FGF12: variants seen among roughly 807,000 people sequenced by gnomAD.
FGF12 encodes fibroblast growth factor 12B.
Under a neutral mutation model 23.6 loss-of-function variants are expected in FGF12, and 14 were observed. That is an observed-to-expected ratio of 0.59 (90% CI 0.39 to 0.93). The LOEUF (loss-of-function observed/expected upper bound fraction) is 0.93. FGF12 is among the 40% of genes least tolerant of loss of function. The pLI is 0.00. For missense variants in FGF12, 175 were observed against 217.8 expected (o/e 0.80, Z 1.24); for synonymous variants, 62 against 77.3 (o/e 0.80, Z 1.04).
chr3:192,223,950 A>G (rs1463739283), intron 4 of FGF12, among the ~76,000 whole-genome samples: 1 of 152,150 alleles, frequency 6.6e-6, no homozygotes, highest in Non-Finnish European at 1.5e-5. Flanking sequence ...AAGAAGAAAG[A>G]CAAAGTGTAT....
intron 2 of FGF12, among the ~76,000 whole-genome samples, chr3:192,695,502 T>C (rs1718088280): frequency 6.6e-6 from 1 of 152,216 alleles, no homozygotes; most frequent in South Asian, 2.1e-4. Context: ...AACTTTCCTA[T>C]CACCTACTCT....
chr3:192,605,517 C>T (rs555388408), intron 2 of FGF12, among the ~76,000 whole-genome samples: 114 of 152,220 alleles, frequency 7.5e-4, no homozygotes, highest in African/African-American at 2.7e-3. Flanking sequence ...AACTTAAGAG[C>T]TTCTGCACAG....
chr3:192,327,357 C>T (rs751407657), intron 4 of FGF12, among the ~76,000 whole-genome samples: 14 of 151,854 alleles, frequency 9.2e-5, no homozygotes, highest in South Asian at 6.2e-4. Flanking sequence ...CTAAAATAAG[C>T]GTCTTTATCA....
chr3:192,345,665 C>A lies in FGF12; in HGVS notation c.125-10201G>T, dbSNP rs545967996. Among the ~76,000 whole-genome samples, 4 of 38,252 alleles carry A rather than the reference C, an allele frequency of 1.0e-4. 2 individuals carry two copies. Among genetic ancestry groups the A allele is most frequent in the African/African-American group, 1.3e-3 (2 of 1,578 alleles). The allele number at this position is 38,252 out of a possible 152,430, so 25.1% of individuals were successfully genotyped here. On this transcript the variant is annotated intron_variant, in intron 3 of 5. Transcript: ENST00000445105. ...TCGCGCCACTGCACTCCAGCCTGGG[C>A]GACAGAGCGAGACTCCGTCTCAAAA...
intron 4 of FGF12, among the ~76,000 whole-genome samples, chr3:192,303,050 T>C (rs981372599): frequency 6.6e-6 from 1 of 152,224 alleles, no homozygotes; most frequent in African/African-American, 2.4e-5. Flanking sequence ...GAAAATGATG[T>C]GTGCCCAGAG....
chr3:192,517,319 C>T (rs1724697588), intron 2 of FGF12, among the ~76,000 whole-genome samples: 1 of 152,194 alleles, frequency 6.6e-6, no homozygotes, highest in Non-Finnish European at 1.5e-5. Flanking sequence ...TTACCAACTT[C>T]CCTGGGTTCT....
intron 4 of FGF12, among the ~76,000 whole-genome samples, chr3:192,217,154 C>T (rs1403217293): frequency 6.6e-6 from 1 of 152,176 alleles, no homozygotes; most frequent in Non-Finnish European, 1.5e-5. Context: ...ATTAACCACA[C>T]AAGGCCTTAG....
chr3:192,639,292 T>A (rs1032689508), intron 2 of FGF12, among the ~76,000 whole-genome samples: 7 of 152,168 alleles, frequency 4.6e-5, no homozygotes, highest in Non-Finnish European at 7.4e-5. Flanking sequence ...ACCAAAGAGT[T>A]AAGAGATAGC....
intron 2 of FGF12, among the ~76,000 whole-genome samples, chr3:192,577,391 T>C (rs1047735318): frequency 6.6e-6 from 1 of 152,210 alleles, no homozygotes; most frequent in African/African-American, 2.4e-5. Context: ...TCATTGTGCT[T>C]ATCTTCTAAA....
At chr3:192,322,597 T>C (rs1577352415) in intron 4 of FGF12, among the ~76,000 whole-genome samples, 1 of 152,150 alleles carries the variant, frequency 6.6e-6, no homozygotes, top group East Asian at 1.9e-4. Flanking sequence ...CTTCAAATTA[T>C]ACTGTAGAGA....
chr3:192,459,035 C>T (rs1158156195), intron 2 of FGF12, among the ~76,000 whole-genome samples: 1 of 152,170 alleles, frequency 6.6e-6, no homozygotes, highest in Non-Finnish European at 1.5e-5. Context: ...TAAGAAGTGC[C>T]TTTCACCTCC....
chr3:192,691,365 A>C (rs1430655089), intron 2 of FGF12, among the ~76,000 whole-genome samples: 1 of 152,124 alleles, frequency 6.6e-6, no homozygotes, highest in Non-Finnish European at 1.5e-5. Flanking sequence ...ATGAAACTAG[A>C]AACCAATAAA....
chr3:192,436,624 G>A (rs1396557909), intron 2 of FGF12, among the ~76,000 whole-genome samples: 1 of 152,192 alleles, frequency 6.6e-6, no homozygotes, highest in African/African-American at 2.4e-5. Context: ...TATCCAGGCT[G>A]GACAGCCACT....
At chr3:192,613,619 C>T (rs1239909410) in intron 2 of FGF12, among the ~76,000 whole-genome samples, 3 of 151,710 alleles carry the variant, frequency 2.0e-5, no homozygotes, top group Non-Finnish European at 4.4e-5. Context: ...TAAAAATTTA[C>T]AAATATTTAC....
chr3:192,450,846 T>C (rs1460878706), intron 2 of FGF12, among the ~76,000 whole-genome samples: 1 of 152,214 alleles, frequency 6.6e-6, no homozygotes, highest in Non-Finnish European at 1.5e-5. Context: ...CCTATACTTA[T>C]TTCAGTTGCC....
intron 2 of FGF12, among the ~76,000 whole-genome samples, chr3:192,560,586 A>G (rs1261625756): frequency 6.6e-6 from 1 of 152,114 alleles, no homozygotes; most frequent in Non-Finnish European, 1.5e-5. Flanking sequence ...AGGTAAAAGG[A>G]TTAATTTCTT....
intron 4 of FGF12, among the ~76,000 whole-genome samples, chr3:192,317,247 A>C (rs1006532800): frequency 1.3e-5 from 2 of 151,940 alleles, no homozygotes; most frequent in Admixed American, 1.3e-4. Context: ...CACCACCTTG[A>C]CCACAGTGGA....
chr3:192,514,906 C>T lies in FGF12; in HGVS notation c.14-154368G>A, dbSNP rs902124977. 3 of 983,984 alleles carry T rather than the reference C, an allele frequency of 3.0e-6. No individual in the cohort carries two copies. The highest frequency in any genetic ancestry group is 4.7e-5 in the South Asian group (1 of 21,244). The allele number at this position is 983,984 out of a possible 1,614,324, so 61.0% of individuals were successfully genotyped here. On this transcript the variant is annotated intron_variant, in intron 2 of 5. Coordinates refer to ENST00000445105, the MANE Select transcript of FGF12 (RefSeq NM_004113.6). This position sits in a 1 kb window ranked among gnomAD's most constrained non-coding sequence, Gnocchi z 4.9. ...TTTGCACATGGAGCCGGAGGGAGCC[C>T]GGGCGCCGGCAGGGGGCGGGCCGGG...
chr3:192,613,040 C>T (rs1387444777), intron 2 of FGF12, among the ~76,000 whole-genome samples: 1 of 151,630 alleles, frequency 6.6e-6, no homozygotes, highest in African/African-American at 2.4e-5. Flanking sequence ...GCTCATTTTT[C>T]TTGGTGGGAA....
Sources: gnomAD v4.1 joint callset for allele counts (sites outside exome capture counted in the v4.1 genomes callset) on GRCh38, gnomAD v4.1.1 for gene constraint, Gnocchi (gnomAD v3.1) non-coding constraint, MANE v1.5 for transcripts, NCBI Gene and HGNC (gene_info 2026-07-23, HGNC 2026-07-21) for gene names.